Variants in KIAA1217 observed in about 807,000 individuals in gnomAD.
KIAA1217 encodes KIAA1217.
Under a neutral mutation model 163.9 loss-of-function variants are expected in KIAA1217, and 88 were observed. That is an observed-to-expected ratio of 0.54 (90% CI 0.45 to 0.64). The LOEUF is 0.64. Ranked by LOEUF, KIAA1217 falls within the 30% of genes least tolerant of loss-of-function variation. KIAA1217 has a pLI of 0.00. For synonymous variants in KIAA1217, 903 were observed against 923.1 expected (o/e 0.98, Z 0.39); for missense variants, 2,372 against 2,475.0 (o/e 0.96, Z 0.88).
intron 2 of KIAA1217, among the ~76,000 whole-genome samples, chr10:24,045,038 A>G (rs1182097394): frequency 6.6e-6 from 1 of 152,208 alleles, no homozygotes; most frequent in East Asian, 1.9e-4. Flanking sequence ...AATGACAGGT[A>G]AACTTTCTAA....
chr10:24,395,681 CT>C (rs914100541), intron 3 of KIAA1217, among the ~76,000 whole-genome samples: 5 of 152,042 alleles, frequency 3.3e-5, no homozygotes, highest in Admixed American at 6.6e-5. Context: ...ATGTAGGAGC[CT>C]TTTTTTAAGA....
intron 2 of KIAA1217, among the ~76,000 whole-genome samples, chr10:24,248,499 C>T (rs1463852288): frequency 1.3e-5 from 2 of 151,634 alleles, no homozygotes; most frequent in Admixed American, 6.6e-5. Context: ...GGTGAAATCC[C>T]GTCTCTACTA....
At chr10:23,952,207 C>T (rs747752002) in intron 1 of KIAA1217, among the ~76,000 whole-genome samples, 1 of 152,190 alleles carries the variant, frequency 6.6e-6, no homozygotes, top group Non-Finnish European at 1.5e-5. Context: ...GCATTTATTC[C>T]GCATGATGTC....
At chr10:24,262,522 G>C (rs1055764714) in intron 2 of KIAA1217, among the ~76,000 whole-genome samples, 71 of 152,104 alleles carry the variant, frequency 4.7e-4, no homozygotes, top group Admixed American at 4.3e-3. Context: ...AGCTTTTCGG[G>C]AGGCTGAAGC....
At chr10:24,432,765 TG>T (rs1040821082) in intron 3 of KIAA1217, among the ~76,000 whole-genome samples, 1 of 152,214 alleles carries the variant, frequency 6.6e-6, no homozygotes, top group Admixed American at 6.5e-5. Context: ...CTTGAATTTT[TG>T]AAAATTAGGC....
At chr10:24,146,050 T>A (rs867185895) in intron 2 of KIAA1217, among the ~76,000 whole-genome samples, 4 of 152,234 alleles carry the variant, frequency 2.6e-5, no homozygotes, top group African/African-American at 7.2e-5. Flanking sequence ...ATATTAACCA[T>A]CACGCTGAGT....
chr10:24,043,583 A>G (rs1418618514), intron 2 of KIAA1217, among the ~76,000 whole-genome samples: 1 of 152,174 alleles, frequency 6.6e-6, no homozygotes, highest in Non-Finnish European at 1.5e-5. Flanking sequence ...GGCACATGCA[A>G]TGAACACTAG....
At chr10:24,029,802 T>C (rs540783917) in intron 2 of KIAA1217, among the ~76,000 whole-genome samples, 1 of 152,292 alleles carries the variant, frequency 6.6e-6, no homozygotes, top group African/African-American at 2.4e-5. Flanking sequence ...TTGTCTTTGT[T>C]AAAGTGGGGA....
chr10:24,178,851 G>A (rs1397081936), intron 2 of KIAA1217, among the ~76,000 whole-genome samples: 1 of 152,000 alleles, frequency 6.6e-6, no homozygotes, highest in Non-Finnish European at 1.5e-5. Flanking sequence ...AATGTTTCAG[G>A]GAAATGGGAC....
At chr10:24,135,098 G>T (rs559676993) in intron 2 of KIAA1217, among the ~76,000 whole-genome samples, 1 of 152,254 alleles carries the variant, frequency 6.6e-6, no homozygotes, top group Admixed American at 6.5e-5. Context: ...CAAGTAATTT[G>T]ACTTCCCTGA....
chr10:24,442,031 C>G (rs1249673380), intron 5 of KIAA1217, among the ~76,000 whole-genome samples: 1 of 152,130 alleles, frequency 6.6e-6, no homozygotes. Flanking sequence ...CTGCTCTCAT[C>G]ATTTAATACT....
At chr10:24,068,164 C>A (rs1000441615) in intron 2 of KIAA1217, among the ~76,000 whole-genome samples, 4 of 152,154 alleles carry the variant, frequency 2.6e-5, no homozygotes, top group Non-Finnish European at 5.9e-5. Flanking sequence ...ACCCACTGTC[C>A]GGCACTCCCC....
intron 1 of KIAA1217, among the ~76,000 whole-genome samples, chr10:23,869,124 G>GT (rs58288361): frequency 0.061 from 1,919 of 31,680 alleles, 804 homozygotes; most frequent in Non-Finnish European, 0.087. Flanking sequence ...ATGAAATGTA[G>GT]TTTTTTTTTT....
intron 2 of KIAA1217, among the ~76,000 whole-genome samples, chr10:24,269,961 G>A (rs1269949560): frequency 1.3e-5 from 2 of 151,878 alleles, no homozygotes; most frequent in Non-Finnish European, 2.9e-5. Context: ...ACCATCATCT[G>A]CAGCAGGCCC....
chr10:24,182,847 T>C (rs2066245408), intron 2 of KIAA1217, among the ~76,000 whole-genome samples: 1 of 152,206 alleles, frequency 6.6e-6, no homozygotes, highest in South Asian at 2.1e-4. Context: ...AGTTGGTCTT[T>C]GATAACAATA....
At chr10:24,023,582 A>AT (rs1315159505) in intron 2 of KIAA1217, among the ~76,000 whole-genome samples, 2 of 151,668 alleles carry the variant, frequency 1.3e-5, no homozygotes, top group Non-Finnish European at 3.0e-5. Flanking sequence ...GGACTTAAGG[A>AT]TATGTGAATT....
rs373098958 is a variant in KIAA1217 at position 24,531,987 on chromosome 10, C to T, written c.3240C>T (p.Thr1080=). The T allele has an allele frequency of 4.0e-5, 62 of 1,564,278 alleles. No individual in the cohort carries two copies. Among genetic ancestry groups the T allele is most frequent in the East Asian group, 9.2e-5 (4 of 43,252 alleles). Residue 1080 remains threonine (T), a synonymous_variant, in exon 15 of 21, where the codon ACC becomes ACT. Transcript: ENST00000376454. ...ACACCGGCAGAAAGGAGAACATCACCGCTAAGGTCTGATAGGCTAAGCCCT... is the reference window on the plus strand; with the variant it reads ...ACACCGGCAGAAAGGAGAACATCACTGCTAAGGTCTGATAGGCTAAGCCCT... ...VVYTGRKENI[T]AKASSEDAGP... is the part of the protein sequence containing the mutation.
At chr10:24,148,613 C>T (rs930743919) in intron 2 of KIAA1217, among the ~76,000 whole-genome samples, 4 of 152,144 alleles carry the variant, frequency 2.6e-5, no homozygotes, top group Admixed American at 6.6e-5. Context: ...TTCTTGCTCC[C>T]TCTCTCATCA....
intron 1 of KIAA1217, among the ~76,000 whole-genome samples, chr10:23,991,134 C>G (rs1421756631): frequency 7.2e-5 from 11 of 152,198 alleles, no homozygotes; most frequent in Non-Finnish European, 7.3e-5. Context: ...GGTCATCAAA[C>G]TAGTCGGGTA....
Sources: gnomAD v4.1 joint callset for allele counts (sites outside exome capture counted in the v4.1 genomes callset) on GRCh38, gnomAD v4.1.1 for gene constraint, MANE v1.5 for transcripts, NCBI Gene and HGNC (gene_info 2026-07-23, HGNC 2026-07-21) for gene names.